The following CDH22 variants were observed in gnomAD, a reference collection of about 807,000 sequenced individuals.
CDH22 encodes the protein cadherin-22.
In CDH22, 30 loss-of-function variants were observed where a neutral mutation model predicts 58.4. The observed-to-expected ratio is 0.51, with a 90% CI of 0.38 to 0.70. The LOEUF is 0.70. Among genes scored for constraint, CDH22 ranks in the 30% least tolerant of loss-of-function variants. The probability of loss-of-function intolerance (pLI) is 0.00; values close to 1 mark genes in which losing one functional copy is unlikely to be tolerated. For missense variants in CDH22, 1,014 were observed against 1,233.9 expected (o/e 0.82, Z 2.67); for synonymous variants, 513 against 558.2 (o/e 0.92, Z 1.14).
In CDH22 at chr20:46,221,374, G is replaced by A. The variant is rs1028972081; in HGVS notation, c.671-4381C>T. On this transcript the variant is annotated intron_variant, in intron 4 of 11. Coordinates refer to ENST00000537909, the MANE Select transcript of CDH22 (RefSeq NM_021248.3). ...GCTGATTTTGTCTGGGCTTACTCAC[G>A]CATCTGAGCCTAAACCGGAGGAGCA... Among the ~76,000 whole-genome samples, 6 of 148,154 alleles carry A rather than the reference G, an allele frequency of 4.0e-5. No individual in the cohort carries two copies. The East Asian group carries it at 6.0e-4, about 15-fold the overall frequency.
rs749121361 is a variant in CDH22, at chr20:46,199,563, CG to C, written c.1287-5del. 8 of 1,613,086 alleles carry C rather than the reference CG, an allele frequency of 5.0e-6. No individual in the cohort carries two copies. The highest frequency in any genetic ancestry group is 5.9e-6 in the Non-Finnish European group (7 of 1,179,718). ...TGATTCGCGGTCAATGGCGTACCTGCGGGGGGCAGGGCAGGGCTGATTGAAG... is the reference window on the plus strand; with the variant it reads ...TGATTCGCGGTCAATGGCGTACCTGCGGGGGCAGGGCAGGGCTGATTGAAG... On this transcript the variant is annotated splice_polypyrimidine_tract_variant and splice_region_variant and intron_variant, in intron 7 of 11. Coordinates refer to ENST00000537909, the MANE Select transcript of CDH22 (RefSeq NM_021248.3).
intron 11 of CDH22, among the ~76,000 whole-genome samples, chr20:46,177,200 G>A (rs923200528): frequency 6.6e-6 from 1 of 152,218 alleles, no homozygotes; most frequent in Non-Finnish European, 1.5e-5. Flanking sequence ...AGCAGAGCAA[G>A]GCTGGAATCT....
At chr20:46,199,386 A>G in intron 8 of CDH22, 37 bp downstream of exon 8, 2 of 1,594,334 alleles carry the variant, frequency 1.3e-6, no homozygotes, top group Non-Finnish European at 1.7e-6. Flanking sequence ...CCTGGGCCCC[A>G]TATTTGCCCT....
intron 8 of CDH22, among the ~76,000 whole-genome samples, chr20:46,198,136 TG>T (rs531362547): frequency 3.3e-5 from 5 of 152,070 alleles, no homozygotes; most frequent in Non-Finnish European, 7.4e-5. Flanking sequence ...AGTGTTGCTC[TG>T]GGCATGGAGG....
chr20:46,275,785 C>G (rs2086514331), intron 1 of CDH22, among the ~76,000 whole-genome samples: 1 of 137,326 alleles, frequency 7.3e-6, no homozygotes, highest in Non-Finnish European at 1.7e-5. Context: ...TGGTAGAGAC[C>G]ATAGGTGAAA....
At chr20:46,219,679 T>A (rs2086110044) in intron 4 of CDH22, 1 of 152,240 alleles carries the variant, frequency 6.6e-6, no homozygotes, top group South Asian at 2.1e-4. Flanking sequence ...TTACATGTAA[T>A]AAAAACAACT....
intron 4 of CDH22, 34 bp downstream of exon 4, chr20:46,227,474 A>G (rs778352928): frequency 4.6e-5 from 20 of 437,576 alleles, no homozygotes; most frequent in Non-Finnish European, 7.0e-5. Context: ...GCCCCGCCCC[A>G]CGGCTCCGCC....
In CDH22 at chr20:46,210,507, G is replaced by T; in HGVS notation, c.1086C>A (p.Asn362Lys). 7.0e-7 allele frequency: 1 copy of T among 1,435,468 alleles called. No homozygotes were observed. Among genetic ancestry groups the T allele is most frequent in the Non-Finnish European group, 9.2e-7 (1 of 1,092,038 alleles). 88.9% of individuals were successfully genotyped at this position (1,435,468 alleles called of 1,614,324 possible). A position where few individuals can be genotyped will look rare whatever the true frequency, so the allele number is the denominator to read the frequency against. The part of the protein sequence containing the change: ...PVHTVILEAL[N>K]KFVDPRFADL... The stretch of plus-strand genomic sequence containing the variant: ...CGGCGAAGCGGGGGTCCACGAACTT[G>T]TTGAGGGCCTCCAGGATCACGGTGT... The change falls in exon 7 of 12, where the codon AAC becomes AAA. Residue 362 changes from asparagine (N) to lysine (K), a missense_variant. By Grantham distance (94) the Asn-to-Lys change is moderately conservative. Coordinates refer to ENST00000537909, the MANE Select transcript of CDH22 (RefSeq NM_021248.3). The surrounding 1 kb of genome is among the most constrained non-coding windows in gnomAD (Gnocchi z 4.5).
chr20:46,240,625 G>A (rs2086282631), intron 3 of CDH22, among the ~76,000 whole-genome samples: 1 of 152,118 alleles, frequency 6.6e-6, no homozygotes, highest in Non-Finnish European at 1.5e-5. Flanking sequence ...TGCGGGGCTG[G>A]GCTTGTGCAT....
intron 5 of CDH22, among the ~76,000 whole-genome samples, chr20:46,214,378 C>T (rs994553156): frequency 2.0e-5 from 3 of 152,242 alleles, no homozygotes; most frequent in Middle Eastern, 3.4e-3. Context: ...GTAACCCTTG[C>T]GTGGAGTGGC....
Position 46,241,427 on chromosome 20 carries a change from C to T in CDH22, c.256-170G>A, listed in dbSNP as rs2086289573. ...AGCCACGCTCACTTCCATCCCTGGC[C>T]TGGAGTCTTTCCTCAGCCCGCTGGG... is the stretch of plus-strand genomic sequence containing the variant. On this transcript the variant is annotated intron_variant, in intron 2 of 11. Transcript: ENST00000537909. This position sits in a 1 kb window ranked among gnomAD's most constrained non-coding sequence, Gnocchi z 5.2. 6.6e-6 allele frequency among the ~76,000 whole-genome samples: 1 copy of T among 152,230 alleles called. No homozygotes were observed. The highest frequency in any genetic ancestry group is 1.5e-5 in the Non-Finnish European group (1 of 68,042).
chr20:46,263,742 A>G (rs748069452), intron 1 of CDH22, among the ~76,000 whole-genome samples: 1 of 152,146 alleles, frequency 6.6e-6, no homozygotes. Context: ...GGGAGAAGCT[A>G]GGGAAACAGC....
chr20:46,290,135 G>A (rs2086594220), intron 1 of CDH22, among the ~76,000 whole-genome samples: 1 of 152,198 alleles, frequency 6.6e-6, no homozygotes, highest in African/African-American at 2.4e-5. Flanking sequence ...ACTTTGGTGA[G>A]AAAACTGTAC....
At chr20:46,252,801 G>T (rs1049074985) in intron 1 of CDH22, among the ~76,000 whole-genome samples, 1 of 152,228 alleles carries the variant, frequency 6.6e-6, no homozygotes, top group South Asian at 2.1e-4. Flanking sequence ...ATGCTAGGTG[G>T]CATATGATCG....
intron 4 of CDH22, among the ~76,000 whole-genome samples, chr20:46,225,205 C>A (rs141989386): frequency 1.2e-4 from 18 of 152,322 alleles, no homozygotes; most frequent in African/African-American, 4.1e-4. Context: ...CCAAGCTTCT[C>A]CACTTCCTGA....
Position 46,221,255 on chromosome 20 carries a change from T to G in CDH22, c.671-4262A>C, listed in dbSNP as rs528535027. Reference sequence around the variant, plus strand: ...ATAATAAATTATTGTTGCTTTAAGCTACCAGGTTTTGGGTTTTTTTTTTTC... The same window carrying G: ...ATAATAAATTATTGTTGCTTTAAGCGACCAGGTTTTGGGTTTTTTTTTTTC... On this transcript the variant is annotated intron_variant, in intron 4 of 11. Transcript: ENST00000537909. 1.2e-3 allele frequency among the ~76,000 whole-genome samples: 177 copies of G among 147,792 alleles called. 1 individual carries two copies. Among genetic ancestry groups the G allele is most frequent in the African/African-American group, 4.2e-3 (168 of 40,116 alleles).
intron 10 of CDH22, among the ~76,000 whole-genome samples, chr20:46,185,508 A>G (rs147809812): frequency 2.3e-3 from 349 of 152,220 alleles, no homozygotes; most frequent in African/African-American, 7.5e-3. Context: ...TCTCAGTTTC[A>G]TCACCTGTAA....
At chr20:46,295,649 T>G (rs1190416518) in intron 1 of CDH22, among the ~76,000 whole-genome samples, 2 of 152,196 alleles carry the variant, frequency 1.3e-5, no homozygotes, top group Non-Finnish European at 2.9e-5. Flanking sequence ...AAAATCCAAG[T>G]CCAGCTTCCA....
chr20:46,241,279 C>G lies in CDH22; in HGVS notation c.256-22G>C. The G allele has an allele frequency of 6.4e-7, 1 of 1,565,522 alleles. No individual in the cohort carries two copies. The highest frequency in any genetic ancestry group is 8.7e-7 in the Non-Finnish European group (1 of 1,152,158). On this transcript the variant is annotated intron_variant, in intron 2 of 11. Transcript: ENST00000537909. The surrounding 1 kb of genome is among the most constrained non-coding windows in gnomAD (Gnocchi z 5.2). Reference sequence around the variant, plus strand: ...GGATCTGGGTAGGCAGAGAAGAAGGCAAGGTGGAGGCTGAGAAGGAAGCTC... The same window carrying G: ...GGATCTGGGTAGGCAGAGAAGAAGGGAAGGTGGAGGCTGAGAAGGAAGCTC...
Sources: allele counts gnomAD v4.1 joint callset (sites outside exome capture counted in the v4.1 genomes callset), GRCh38; gene constraint gnomAD v4.1.1; non-coding constraint Gnocchi (gnomAD v3.1); transcripts MANE v1.5; gene names NCBI Gene and HGNC (gene_info 2026-07-23, HGNC 2026-07-21).